The following SCYL1 variants were observed in gnomAD, a reference collection of about 807,000 sequenced individuals.
SCYL1 encodes SCY1 like pseudokinase 1, also known as N-terminal kinase-like protein.
In SCYL1, 85 loss-of-function variants were observed where a neutral mutation model predicts 94.8. The ratio of observed to expected loss-of-function variants is 0.90; its 90% CI spans 0.75 to 1.07. SCYL1 has a LOEUF of 1.07. SCYL1 is among the 50% of genes least tolerant of loss of function. The pLI is 0.00. For missense variants in SCYL1, 968 were observed against 1,083.3 expected, an observed-to-expected ratio of 0.89 and a Z score of 1.49; for synonymous variants, 459 against 435.5, an observed-to-expected ratio of 1.05 and a Z score of -0.67.
chr11:65,537,005 C>T lies in SCYL1; in HGVS notation c.1836C>T (p.Pro612=). ...PTPEGVPAPA[P]TPVPATPTTS... is the part of the protein sequence containing the mutation. The stretch of plus-strand genomic sequence containing the variant: ...CCCCAGGAGTTCCTGCCCCAGCCCC[C>T]ACCCCTGTTCCTGCCACCCCTACAA... Residue 612 remains proline (P), a synonymous_variant, in exon 14 of 18, where the codon CCC becomes CCT. Transcript: ENST00000270176. 1 of 1,612,434 alleles carries T rather than the reference C, an allele frequency of 6.2e-7. No individual in the cohort carries two copies. Among genetic ancestry groups the T allele is most frequent in the Non-Finnish European group, 8.5e-7 (1 of 1,178,828 alleles).
rs1339698248 is a variant in SCYL1, at chr11:65,532,592, T to C, written c.1117-100T>C. On this transcript the variant is annotated intron_variant, in intron 8 of 17. Transcript: ENST00000270176. ...TCAGGAGGTTGACCTGGCTGGCCAG[T>C]GCCTGCTGGGTGGAAAAGCTAAGCC... The C allele has an allele frequency of 4.2e-6, 4 of 951,552 alleles. No individual in the cohort carries two copies. The East Asian group carries it at 1.0e-4, about 25-fold the overall frequency. The allele number at this position is 951,552 out of a possible 1,614,324, so 58.9% of individuals were successfully genotyped here.
At chr11:65,529,704 C>T (rs1054050237) in intron 6 of SCYL1, among the ~76,000 whole-genome samples, 3 of 152,166 alleles carry the variant, frequency 2.0e-5, no homozygotes, top group African/African-American at 7.2e-5. Context: ...GGGTCATGAC[C>T]CCTGCCTGGC....
At position 65,526,840 on chromosome 11, in the gene SCYL1, A is replaced by T; in HGVS notation, c.660A>T (p.Leu220=). The T allele has an allele frequency of 6.2e-7, 1 of 1,613,192 alleles. No homozygotes were observed. Among genetic ancestry groups the T allele is most frequent in the South Asian group, 1.1e-5 (1 of 91,072 alleles). ...TTTGGGAAGTCTTCAATGGGCCCCT[A>T]CCTCGGGCAGCAGCCCTACGCAACC... is the stretch of plus-strand genomic sequence containing the variant. ...CLIWEVFNGP[L]PRAAALRNPG... Residue 220 remains leucine (L), a synonymous_variant, in exon 5 of 18, where the codon CTA becomes CTT. Transcript: ENST00000270176. This position sits in a 1 kb window ranked among gnomAD's most constrained non-coding sequence, Gnocchi z 4.1.
chr11:65,527,144 C>T (rs757803428), intron 6 of SCYL1, 27 bp downstream of exon 6: 20 of 1,606,190 alleles, frequency 1.2e-5, no homozygotes, highest in African/African-American at 2.7e-5. Context: ...CCCTGGGCTT[C>T]GACCCTATCT....
At position 65,536,687 on chromosome 11, in the gene SCYL1, A is replaced by G; in HGVS notation, c.1753A>G (p.Ile585Val). The G allele has an allele frequency of 2.5e-6, 4 of 1,613,880 alleles. No individual in the cohort carries two copies. Among genetic ancestry groups the G allele is most frequent in the Non-Finnish European group, 2.5e-6 (3 of 1,179,840 alleles). The part of the protein sequence containing the change: ...TGVSSLTSKL[I>V]RSHPTTAPTE... ...GGTCTCCTCACTCACCTCCAAGCTGATCCGTTCGCACCCAACCACTGCCCC... is the reference window on the plus strand; with the variant it reads ...GGTCTCCTCACTCACCTCCAAGCTGGTCCGTTCGCACCCAACCACTGCCCC... The change falls in exon 13 of 18, where the codon ATC becomes GTC. Residue 585 changes from isoleucine (I) to valine (V), a missense_variant. Ile to Val is a conservative substitution (Grantham distance 29). This residue lies in a region of SCYL1 where 474 missense variants were observed against 463.6 expected (regional missense o/e 1.02). Transcript: ENST00000270176.
In SCYL1 at chr11:65,536,318, C is replaced by G; in HGVS notation, c.1635C>G (p.Thr545=). 6.2e-7 allele frequency: 1 copy of G among 1,614,082 alleles called. No homozygotes were observed. Among genetic ancestry groups the G allele is most frequent in the Non-Finnish European group, 8.5e-7 (1 of 1,179,962 alleles). ...SKLESVSEDP[T]QLEEVEKDVH... ...TGGAGTCTGTGTCGGAGGACCCGAC[C>G]CAGCTGGAGGAAGTGGGTGAGTGGC... Residue 545 remains threonine (T), a synonymous_variant, in exon 12 of 18, where the codon ACC becomes ACG. Transcript: ENST00000270176.
chr11:65,525,634 A>G lies in SCYL1; in HGVS notation c.172A>G (p.Thr58Ala), dbSNP rs770070746. The G allele has an allele frequency of 1.9e-6, 3 of 1,612,584 alleles. No individual in the cohort carries two copies. Among genetic ancestry groups the G allele is most frequent in the African/African-American group, 1.3e-5 (1 of 74,852 alleles). ...TGTGAAGCCTGGCGCGGAAGAGCAGACCCAGGTGGCCAAAGCTGCCTTCAA... is the reference window on the plus strand; with the variant it reads ...TGTGAAGCCTGGCGCGGAAGAGCAGGCCCAGGTGGCCAAAGCTGCCTTCAA... ...YDVKPGAEEQ[T>A]QVAKAAFKRF... Residue 58 changes from threonine (T) to alanine (A), a missense_variant, in exon 2 of 18, where the codon ACC (threonine) becomes GCC (alanine). Thr to Ala is a moderately conservative substitution (Grantham distance 58, BLOSUM62 0). Around this residue, in one of 2 missense-constraint regions of SCYL1, gnomAD observed 494 missense variants for 619.7 expected, o/e 0.80. Coordinates refer to ENST00000270176, the MANE Select transcript of SCYL1 (RefSeq NM_020680.4).
rs774971011 is a variant in SCYL1 at position 65,538,059 on chromosome 11, G to A, written c.2124G>A (p.Glu708=). The A allele has an allele frequency of 1.2e-6, 2 of 1,609,698 alleles. No individual in the cohort carries two copies. The highest frequency in any genetic ancestry group is 3.4e-5 in the Admixed American group (2 of 59,292). ...GCTCCTGGGAACAGGGCTGGCAGGA[G>A]CCAAGCTCCCAGGAGCCACCTCCTG... ...AEGSWEQGWQ[E]PSSQEPPPDG... The change falls in exon 16 of 18, where the codon GAG becomes GAA. Residue 708 remains glutamate, a synonymous_variant. Transcript: ENST00000270176.
chr11:65,529,303 T>A (rs958162377), intron 6 of SCYL1, among the ~76,000 whole-genome samples: 16 of 152,204 alleles, frequency 1.1e-4, no homozygotes, highest in African/African-American at 3.6e-4. Context: ...GGAACTTTGT[T>A]ACGTGGAGTT....
At position 65,538,009 on chromosome 11, in the gene SCYL1, G is replaced by C; in HGVS notation, c.2074G>C (p.Asp692His). The change falls in exon 16 of 18, where the codon GAC becomes CAC. Residue 692 changes from aspartate to histidine, a missense_variant. Asp to His is a moderately conservative substitution (Grantham distance 81, BLOSUM62 -1). This residue lies in a region of SCYL1 where 474 missense variants were observed against 463.6 expected (regional missense o/e 1.02). Transcript: ENST00000270176. ...CAAATCCTCCAAATCCCCAGAGTCC[G>C]ACTGGAGCAGCTGGGAAGCTGAGGG... is the stretch of plus-strand genomic sequence containing the variant. ...DHKSSKSPES[D>H]WSSWEAEGSW... The C allele has an allele frequency of 6.2e-7, 1 of 1,612,844 alleles. No homozygotes were observed. The highest frequency in any genetic ancestry group is 8.5e-7 in the Non-Finnish European group (1 of 1,179,476).
chr11:65,538,614 G>C lies in SCYL1; in HGVS notation c.*48G>C. 1 of 1,584,746 alleles carries C rather than the reference G, an allele frequency of 6.3e-7. No homozygotes were observed. Among genetic ancestry groups the C allele is most frequent in the Non-Finnish European group, 8.6e-7 (1 of 1,166,088 alleles). On this transcript the variant is annotated 3_prime_UTR_variant, in exon 18 of 18. Coordinates refer to ENST00000270176, the MANE Select transcript of SCYL1 (RefSeq NM_020680.4). ...GCTGCGGAGAGCCCGCCCCACAGAT[G>C]TATTTATTGTACAAACCATGTGAGC...
chr11:65,526,708 C>T lies in SCYL1; in HGVS notation c.603-75C>T, dbSNP rs929445618. The T allele has an allele frequency of 1.5e-5, 22 of 1,435,014 alleles. No individual in the cohort carries two copies. In the African/African-American group the frequency reaches 2.1e-4, roughly 14 times the overall value. The allele number at this position is 1,435,014 out of a possible 1,614,324, so 88.9% of individuals were successfully genotyped here. A position where few individuals can be genotyped will look rare whatever the true frequency, so the allele number is the denominator to read the frequency against. ...GCCAGGCCCTGGCATGCAGTGGGTGCCTGGTGCCCAAGGCAGGCTGGAGGC... is the reference window on the plus strand; with the variant it reads ...GCCAGGCCCTGGCATGCAGTGGGTGTCTGGTGCCCAAGGCAGGCTGGAGGC... On this transcript the variant is annotated intron_variant, in intron 4 of 17. Transcript: ENST00000270176. The surrounding 1 kb of genome is among the most constrained non-coding windows in gnomAD (Gnocchi z 4.1).
At chr11:65,527,168 C>A (rs773038775) in intron 6 of SCYL1, 51 bp downstream of exon 6, 2 of 1,585,974 alleles carry the variant, frequency 1.3e-6, no homozygotes, top group South Asian at 1.1e-5. Context: ...TCATTCTGCC[C>A]CTACCCTGCT....
At position 65,526,372 on chromosome 11, in the gene SCYL1, G is replaced by C. The variant is rs115235408; in HGVS notation, c.602+22G>C. On this transcript the variant is annotated intron_variant, in intron 4 of 17. Coordinates refer to ENST00000270176, the MANE Select transcript of SCYL1 (RefSeq NM_020680.4). The surrounding 1 kb of genome is among the most constrained non-coding windows in gnomAD (Gnocchi z 4.1). ...AGTGGTGGGTGACTGGGGGCAGCGCGCCCCAACCTGCCCTGTCCTGGAGGC... is the reference window on the plus strand; with the variant it reads ...AGTGGTGGGTGACTGGGGGCAGCGCCCCCCAACCTGCCCTGTCCTGGAGGC... The C allele has an allele frequency of 6.4e-7, 1 of 1,552,548 alleles. No individual in the cohort carries two copies. The highest frequency in any genetic ancestry group is 8.8e-7 in the Non-Finnish European group (1 of 1,141,026).
rs1376284310 is a variant in SCYL1 at position 65,525,257 on chromosome 11, G to C, written c.104G>C (p.Arg35Pro). 2.8e-6 allele frequency: 4 copies of C among 1,437,664 alleles called. No individual in the cohort carries two copies. Among genetic ancestry groups the C allele is most frequent in the Non-Finnish European group, 2.7e-6 (3 of 1,092,786 alleles). The allele number at this position is 1,437,664 out of a possible 1,614,324, so 89.1% of individuals were successfully genotyped here. A position where few individuals can be genotyped will look rare whatever the true frequency, so the allele number is the denominator to read the frequency against. Reference sequence around the variant, plus strand: ...GGGCCCTGGGCCCTGCACCGCGGCCGCAAGAAGGTGAGTGCGGCCGAGCTC... The same window carrying C: ...GGGCCCTGGGCCCTGCACCGCGGCCCCAAGAAGGTGAGTGCGGCCGAGCTC... Reference protein sequence around the residue: ...LPGPWALHRGRKKATGSPVSI... With the variant: ...LPGPWALHRGPKKATGSPVSI... Residue 35 changes from arginine (R) to proline (P), a missense_variant, in exon 1 of 18, where the codon CGC becomes CCC. Physicochemically the swap from Arg to Pro is moderately radical, Grantham distance 103. This residue lies in a region of SCYL1 where 494 missense variants were observed against 619.7 expected (regional missense o/e 0.80). Coordinates refer to ENST00000270176, the MANE Select transcript of SCYL1 (RefSeq NM_020680.4).
rs992722156 is a variant in SCYL1 at position 65,525,509 on chromosome 11, G to T, written c.112-65G>T. 11 of 1,565,338 alleles carry T rather than the reference G, an allele frequency of 7.0e-6. No individual in the cohort carries two copies. In the East Asian group the frequency reaches 2.0e-4, roughly 29 times the overall value. Reference sequence around the variant, plus strand: ...CTGACCTGGGGAGAGACCTGGCTGCGGGCCCTTGTCTTCCGGCCACACAAC... The same window carrying T: ...CTGACCTGGGGAGAGACCTGGCTGCTGGCCCTTGTCTTCCGGCCACACAAC... On this transcript the variant is annotated intron_variant, in intron 1 of 17. Transcript: ENST00000270176.
chr11:65,532,900 T>C, intron 9 of SCYL1, 95 bp downstream of exon 9: 3 of 903,660 alleles, frequency 3.3e-6, no homozygotes, highest in East Asian at 2.6e-5. Context: ...GGCCCATGGG[T>C]CCAAGCAGAC....
In SCYL1 at chr11:65,536,703, C is replaced by A; in HGVS notation, c.1769C>A (p.Thr590Asn). 1 of 1,611,898 alleles carries A rather than the reference C, an allele frequency of 6.2e-7. No individual in the cohort carries two copies. Among genetic ancestry groups the A allele is most frequent in the Non-Finnish European group, 8.5e-7 (1 of 1,178,226 alleles). The change falls in exon 13 of 18, where the codon ACC becomes AAC. Residue 590 changes from threonine to asparagine, a missense_variant. Coordinates refer to ENST00000270176, the MANE Select transcript of SCYL1 (RefSeq NM_020680.4). ...LTSKLIRSHP[T>N]TAPTETNIPQ... ...TCCAAGCTGATCCGTTCGCACCCAA[C>A]CACTGCCCCAACAGAAACCAACATT...
chr11:65,531,457 C>A (rs370072950), intron 7 of SCYL1, 119 bp from the exon 8 acceptor site: 2 of 708,008 alleles, frequency 2.8e-6, no homozygotes, highest in East Asian at 2.8e-5. Context: ...GAAATGCCTG[C>A]CCCCCCCTCC....
Sources: allele counts gnomAD v4.1 joint callset (sites outside exome capture counted in the v4.1 genomes callset), GRCh38; gene constraint gnomAD v4.1.1; regional missense constraint gnomAD v4.1.1; non-coding constraint Gnocchi (gnomAD v3.1); transcripts MANE v1.5; gene names NCBI Gene and HGNC (gene_info 2026-07-23, HGNC 2026-07-21).